Variants in BRI3 observed in about 807,000 individuals in gnomAD.
BRI3 encodes the protein membrane protein BRI3.
Under a neutral mutation model 12.8 loss-of-function variants are expected in BRI3, and 6 were observed. That is an observed-to-expected ratio of 0.47 (90% CI 0.26 to 0.93). The LOEUF (loss-of-function observed/expected upper bound fraction) is 0.93. BRI3 is among the 40% of genes least tolerant of loss of function. The pLI is 0.15. For synonymous variants in BRI3, 91 were observed against 76.1 expected, an observed-to-expected ratio of 1.20 and a Z score of -1.02; for missense variants, 134 against 171.1, an observed-to-expected ratio of 0.78 and a Z score of 1.21.
At chr7:98,304,929 G>A (rs530104476), upstream of BRI3, among the ~76,000 whole-genome samples, 6 of 149,506 alleles carry the variant, frequency 4.0e-5, no homozygotes, top group East Asian at 2.0e-4. Context: ...GCAGTGGCGC[G>A]ATCTTGGCTC....
At chr7:98,306,128 G>A (rs914333983), upstream of BRI3, among the ~76,000 whole-genome samples, 5 of 152,190 alleles carry the variant, frequency 3.3e-5, no homozygotes, top group African/African-American at 1.2e-4. Context: ...TAAGATAAGT[G>A]TAAGATAAGG....
chr7:98,283,586 G>A (rs932001822), intron 2 of BRI3, among the ~76,000 whole-genome samples: 2 of 152,186 alleles, frequency 1.3e-5, no homozygotes, highest in Non-Finnish European at 1.5e-5. Context: ...GTTCTCTCCC[G>A]GAGCTGCACC....
At chr7:98,300,664 C>T (rs1800384111) in intron 1 of BRI3, among the ~76,000 whole-genome samples, 1 of 152,098 alleles carries the variant, frequency 6.6e-6, no homozygotes, top group African/African-American at 2.4e-5. Context: ...CCAGGAGGTC[C>T]CAGCACAGGC....
chr7:98,284,715 T>A (rs908589393), intron 2 of BRI3, among the ~76,000 whole-genome samples: 1 of 152,236 alleles, frequency 6.6e-6, no homozygotes, highest in Non-Finnish European at 1.5e-5. Context: ...GTGTCCCTTG[T>A]GGCTCTGCTG....
chr7:98,319,540 T>C, the BRI3 span, among the ~76,000 whole-genome samples: 21 of 147,776 alleles, frequency 1.4e-4, no homozygotes, highest in Admixed American at 9.8e-4. Context: ...CAATACTTTT[T>C]CCTATGCCTT....
Position 98,291,180 on chromosome 7 carries a change from G to A in BRI3, c.315G>A (p.Gly105=). ...IFLAIILFPF[G]FICCFALRKR... Reference sequence around the variant, plus strand: ...TGGCCATCATCCTCTTCCCCTTTGGGTTCATTTGCTGTTTTGCCTTGAGGA... The same window carrying A: ...TGGCCATCATCCTCTTCCCCTTTGGATTCATTTGCTGTTTTGCCTTGAGGA... The change falls in exon 3 of 3, where the codon GGG becomes GGA. Residue 105 remains glycine, a synonymous_variant. Transcript: ENST00000297290. The A allele has an allele frequency of 5.6e-6, 9 of 1,614,136 alleles. No homozygotes were observed. Among genetic ancestry groups the A allele is most frequent in the Non-Finnish European group, 6.8e-6 (8 of 1,180,040 alleles).
At chr7:98,294,128 G>A, downstream of BRI3, 1 of 1,613,004 alleles carries the variant, frequency 6.2e-7, no homozygotes, top group Non-Finnish European at 8.5e-7. Context: ...GAAAGATAAA[G>A]AAGTTTATGG....
exon 2 of BRI3, chr7:98,307,691 C>T (rs1308020903): frequency 1.2e-6 from 2 of 1,613,828 alleles, no homozygotes; most frequent in Admixed American, 3.3e-5. Flanking sequence ...AGACTTACGC[C>T]TTGGACACGT....
At chr7:98,292,198 A>G (rs1196424664), downstream of BRI3, 2 of 178,314 alleles carry the variant, frequency 1.1e-5, no homozygotes, top group South Asian at 1.1e-4. Flanking sequence ...TACTACACTT[A>G]TGGCAAGGCT....
upstream of BRI3, among the ~76,000 whole-genome samples, chr7:98,302,025 T>G (rs1409905681): frequency 6.6e-6 from 1 of 152,066 alleles, no homozygotes. Flanking sequence ...GTAAGAGGCG[T>G]GCACCGTGCG....
chr7:98,306,522 G>A lies in BRI3; in HGVS notation n.1G>A, dbSNP rs189996945. The A allele has an allele frequency of 6.2e-6, 10 of 1,614,052 alleles. No individual in the cohort carries two copies. The East Asian group carries it at 6.7e-5, about 11-fold the overall frequency. On this transcript the variant is annotated non_coding_transcript_exon_variant, in exon 1 of 2. Transcript: ENST00000485422. ...ACGACGGGAACCAACCCCTCCTACC[G>A]GCAAAGAGGGAGAAAAGACCCTATC...
intron 2 of BRI3, among the ~76,000 whole-genome samples, chr7:98,289,569 C>G (rs1799829321): frequency 6.6e-6 from 1 of 152,250 alleles, no homozygotes; most frequent in African/African-American, 2.4e-5. Context: ...TCCCCTTCCC[C>G]CCTAAGCACC....
At chr7:98,288,681 G>A (rs1490041226) in intron 2 of BRI3, among the ~76,000 whole-genome samples, 2 of 151,948 alleles carry the variant, frequency 1.3e-5, no homozygotes, top group East Asian at 1.9e-4. Context: ...TTTTGAGAAC[G>A]AATGGACATA....
intron 2 of BRI3, among the ~76,000 whole-genome samples, chr7:98,289,112 T>C (rs1236383600): frequency 6.6e-6 from 1 of 152,058 alleles, no homozygotes; most frequent in Non-Finnish European, 1.5e-5. Flanking sequence ...TACCCACCAC[T>C]ACGCCCAGCT....
At chr7:98,284,236 A>G (rs1584388517) in intron 2 of BRI3, among the ~76,000 whole-genome samples, 1 of 152,062 alleles carries the variant, frequency 6.6e-6, no homozygotes, top group Non-Finnish European at 1.5e-5. Flanking sequence ...GGACCAGAGC[A>G]CTCTTGGATC....
chr7:98,313,145 CCCCACCCCCAACTGTCA>C (rs869128996), downstream of BRI3, among the ~76,000 whole-genome samples: 1 of 148,372 alleles, frequency 6.7e-6, no homozygotes, highest in African/African-American at 2.5e-5. Flanking sequence ...CCAACTGTCA[CCCCACCCCCAACTGTCA>C]CCCTGACACT....
upstream of BRI3, among the ~76,000 whole-genome samples, chr7:98,305,079 C>T (rs1490524075): frequency 1.6e-4 from 16 of 102,272 alleles, no homozygotes; most frequent in East Asian, 4.4e-3. Context: ...TTAGTAGAGA[C>T]GGGGTTTCAT....
intron 2 of BRI3, among the ~76,000 whole-genome samples, chr7:98,288,390 G>A (rs1223112879): frequency 5.9e-5 from 9 of 152,124 alleles, no homozygotes; most frequent in South Asian, 2.1e-4. Context: ...AGGGCTGGGC[G>A]GAGGTGTCCT....
At chr7:98,297,768 GCAGGCC>G (rs1351819029), downstream of BRI3, among the ~76,000 whole-genome samples, 1 of 152,230 alleles carries the variant, frequency 6.6e-6, no homozygotes, top group Non-Finnish European at 1.5e-5. Flanking sequence ...GAAGATGCGT[GCAGGCC>G]TGCACCGGGG....
Sources: gnomAD v4.1 joint callset for allele counts (sites outside exome capture counted in the v4.1 genomes callset) on GRCh38, gnomAD v4.1.1 for gene constraint, MANE v1.5 for transcripts, NCBI Gene and HGNC (gene_info 2026-07-23, HGNC 2026-07-21) for gene names.